Variants in UGT2B4 observed in about 807,000 individuals in gnomAD.
UGT2B4 encodes UDP-glucuronosyltransferase 2B4.
UGT2B4 carries 49 observed loss-of-function variants against 49.8 expected under a neutral mutation model. That is an observed-to-expected ratio of 0.98 (90% CI 0.78 to 1.25). The LOEUF is 1.25. Ranked by LOEUF, UGT2B4 falls within the 50% of genes most tolerant of loss-of-function variation. The pLI is 0.00. For synonymous variants in UGT2B4, 246 were observed against 217.7 expected (o/e 1.13, Z -1.14); for missense variants, 729 against 627.7 (o/e 1.16, Z -1.73).
At chr4:69,499,102 G>A (rs571098784), upstream of UGT2B4, among the ~76,000 whole-genome samples, 90 of 152,196 alleles carry the variant, frequency 5.9e-4, no homozygotes, top group Admixed American at 1.9e-3. Context: ...CTTGATTTCT[G>A]CCTTAATTTC....
chr4:69,520,290 T>G (rs1168965375), intron 1 of UGT2B4, among the ~76,000 whole-genome samples: 1 of 152,248 alleles, frequency 6.6e-6, no homozygotes, highest in African/African-American at 2.4e-5. Flanking sequence ...TTTAATTCAC[T>G]ATTGATGACA....
Position 69,514,260 on chromosome 4 carries a change from C to T in UGT2B4, c.-106+11427G>A, listed in dbSNP as rs547106587. On this transcript the variant is annotated intron_variant, in intron 1 of 1. Transcript: ENST00000510114. ...CCCACTCCCACAACCCACGACAGGC[C>T]CCAGTGTGTGATATTCCCCTTCCTG... 7.2e-5 allele frequency among the ~76,000 whole-genome samples: 11 copies of T among 152,144 alleles called. No individual in the cohort carries two copies. The East Asian group carries it at 2.1e-3, about 29-fold the overall frequency.
At chr4:69,483,917 G>A (rs1727688057) in intron 5 of UGT2B4, among the ~76,000 whole-genome samples, 1 of 152,076 alleles carries the variant, frequency 6.6e-6, no homozygotes, top group African/African-American at 2.4e-5. Context: ...ATATGGGATT[G>A]TATCCATAAT....
intron 5 of UGT2B4, among the ~76,000 whole-genome samples, chr4:69,484,672 G>A (rs187209258): frequency 4.6e-5 from 7 of 152,104 alleles, no homozygotes; most frequent in Admixed American, 1.3e-4. Flanking sequence ...CTTCTTTTAC[G>A]TTGATACAAA....
At chr4:69,485,785 G>A (rs372983399) in intron 4 of UGT2B4, among the ~76,000 whole-genome samples, 3 of 152,196 alleles carry the variant, frequency 2.0e-5, no homozygotes, top group East Asian at 3.9e-4. Context: ...TAATGGAGAC[G>A]GAGTCTCCCT....
At chr4:69,520,244 A>C (rs1029516832) in intron 1 of UGT2B4, among the ~76,000 whole-genome samples, 1 of 152,252 alleles carries the variant, frequency 6.6e-6, no homozygotes, top group African/African-American at 2.4e-5. Flanking sequence ...AACATTACCA[A>C]AAATTTAAAA....
At chr4:69,520,473 C>T (rs772594714) in intron 1 of UGT2B4, among the ~76,000 whole-genome samples, 7 of 152,222 alleles carry the variant, frequency 4.6e-5, no homozygotes, top group Non-Finnish European at 1.0e-4. Flanking sequence ...GCTGTGGCTA[C>T]AGACTTGGGC....
At chr4:69,508,651 G>T (rs1728532138) in intron 1 of UGT2B4, among the ~76,000 whole-genome samples, 2 of 152,130 alleles carry the variant, frequency 1.3e-5, no homozygotes, top group South Asian at 2.1e-4. Context: ...GCAGCTAAAT[G>T]ATGAGAACAC....
chr4:69,522,998 A>G (rs951739658), intron 1 of UGT2B4, among the ~76,000 whole-genome samples: 10 of 152,174 alleles, frequency 6.6e-5, no homozygotes, highest in African/African-American at 2.4e-4. Flanking sequence ...TTCAAGTTTC[A>G]TCATGAGATT....
intron 3 of UGT2B4, among the ~76,000 whole-genome samples, chr4:69,487,921 A>AT (rs199783815): frequency 2.0e-5 from 3 of 152,052 alleles, no homozygotes; most frequent in Admixed American, 1.3e-4. Flanking sequence ...TAATTTATTC[A>AT]TTTTTTTGAG....
intron 1 of UGT2B4, among the ~76,000 whole-genome samples, chr4:69,519,097 C>A (rs1728791974): frequency 1.3e-5 from 2 of 152,088 alleles, no homozygotes; most frequent in Admixed American, 6.6e-5. Flanking sequence ...CAGAAGCCTA[C>A]AGAAGAAAGC....
In UGT2B4 at chr4:69,480,628, A is replaced by C; in HGVS notation, c.*6T>G. 1 of 1,612,578 alleles carries C rather than the reference A, an allele frequency of 6.2e-7. No individual in the cohort carries two copies. The highest frequency in any genetic ancestry group is 8.5e-7 in the Non-Finnish European group (1 of 1,178,894). ...TGGGTTTCCCAGCTTCCAGCCTCAG[A>C]CGTAATTAATCTCTTTTCCCCTTCT... On this transcript the variant is annotated 3_prime_UTR_variant, in exon 6 of 6. Coordinates refer to ENST00000305107, the MANE Select transcript of UGT2B4 (RefSeq NM_021139.3).
At chr4:69,525,220 A>T (rs1281699899) in intron 1 of UGT2B4, among the ~76,000 whole-genome samples, 1 of 152,204 alleles carries the variant, frequency 6.6e-6, no homozygotes, top group East Asian at 1.9e-4. Context: ...AGTAAAGTCA[A>T]GAGCTCACAT....
Position 69,485,302 on chromosome 4 carries a change from T to A in UGT2B4, c.1216A>T (p.Met406Leu), listed in dbSNP as rs1029294975. The A allele has an allele frequency of 6.2e-7, 1 of 1,614,038 alleles. No individual in the cohort carries two copies. The highest frequency in any genetic ancestry group is 8.5e-7 in the Non-Finnish European group (1 of 1,179,948). ...CTAACAGCTGCTCCCTTGGCCTTCA[T>A]GTGTGCAATGTTATCAGGTTGATCT... ...FADQPDNIAH[M>L]KAKGAAVSLD... The change falls in exon 5 of 6, where the codon ATG becomes TTG. Residue 406 changes from methionine to leucine, a missense_variant. By Grantham distance (15) the Met-to-Leu change is conservative. Coordinates refer to ENST00000305107, the MANE Select transcript of UGT2B4 (RefSeq NM_021139.3).
At chr4:69,500,654 A>AAAGAAAG (rs1728292247), upstream of UGT2B4, among the ~76,000 whole-genome samples, 1 of 122,830 alleles carries the variant, frequency 8.1e-6, no homozygotes, top group African/African-American at 2.6e-5. Context: ...AGAAAGAAAG[A>AAAGAAAG]AAGAAAGAAA....
At chr4:69,496,440 T>A (rs1728165523), upstream of UGT2B4, among the ~76,000 whole-genome samples, 2 of 152,248 alleles carry the variant, frequency 1.3e-5, no homozygotes, top group African/African-American at 4.8e-5. Context: ...GAGAGGCTCA[T>A]GTTCCTGCAG....
In UGT2B4 at chr4:69,495,203, A is replaced by C. The variant is rs927762910; in HGVS notation, c.659T>G (p.Phe220Cys). 6.3e-7 allele frequency: 1 copy of C among 1,595,978 alleles called. No homozygotes were observed. Among genetic ancestry groups the C allele is most frequent in the African/African-American group, 1.4e-5 (1 of 73,942 alleles). The change falls in exon 1 of 6, where the codon TTT becomes TGT. Residue 220 changes from phenylalanine to cysteine, a missense_variant. Coordinates refer to ENST00000305107, the MANE Select transcript of UGT2B4 (RefSeq NM_021139.3). ...GTCAAATATTTGGAACCAAAATTCA[A>C]AATAAAGCACATAGATCATATTTTT... is the stretch of plus-strand genomic sequence containing the variant. Reference protein sequence around the residue: ...RVKNMIYVLYFEFWFQIFDMK... With the variant: ...RVKNMIYVLYCEFWFQIFDMK...
chr4:69,494,196 G>A (rs901369728), intron 1 of UGT2B4, among the ~76,000 whole-genome samples: 28 of 152,078 alleles, frequency 1.8e-4, no homozygotes, highest in African/African-American at 4.3e-4. Context: ...TTTGAGCTCC[G>A]TGATCAATTA....
chr4:69,516,734 A>C (rs1221288817), intron 1 of UGT2B4, among the ~76,000 whole-genome samples: 1 of 151,894 alleles, frequency 6.6e-6, no homozygotes, highest in Non-Finnish European at 1.5e-5. Context: ...AGTCTCTCGG[A>C]GTAGCTGGGA....
Sources: gnomAD v4.1 joint callset for allele counts (sites outside exome capture counted in the v4.1 genomes callset) on GRCh38, gnomAD v4.1.1 for gene constraint, MANE v1.5 for transcripts, NCBI Gene and HGNC (gene_info 2026-07-23, HGNC 2026-07-21) for gene names.